The following ZFHX3 variants were observed in gnomAD, a reference collection of about 807,000 sequenced individuals.
The protein encoded by ZFHX3 is zinc finger homeobox 3, also known as zinc finger homeobox protein 3.
ZFHX3 carries 42 observed loss-of-function variants against 279.1 expected under a neutral mutation model. The ratio of observed to expected loss-of-function variants is 0.15; its 90% CI spans 0.12 to 0.19. ZFHX3 has a LOEUF of 0.19. Among genes scored for constraint, ZFHX3 ranks in the 10% least tolerant of loss-of-function variants. The pLI is 1.00. For missense variants in ZFHX3, 4,981 were observed against 4,754.0 expected (o/e 1.05, Z -1.40); for synonymous variants, 2,293 against 1,957.8 (o/e 1.17, Z -4.52).
intron 2 of ZFHX3, among the ~76,000 whole-genome samples, chr16:73,660,639 C>T (rs1439289586): frequency 6.6e-6 from 1 of 151,974 alleles, no homozygotes; most frequent in Non-Finnish European, 1.5e-5. Context: ...ATACTACATC[C>T]TCTTGAAATC....
chr16:73,624,849 T>G (rs937672455), intron 2 of ZFHX3, among the ~76,000 whole-genome samples: 4 of 152,276 alleles, frequency 2.6e-5, no homozygotes, highest in South Asian at 2.1e-4. Flanking sequence ...TGCTTCATGC[T>G]CAAAGATGCT....
chr16:73,227,550 C>A (rs1029787159), intron 5 of ZFHX3, among the ~76,000 whole-genome samples: 3 of 151,880 alleles, frequency 2.0e-5, no homozygotes, highest in African/African-American at 7.3e-5. Flanking sequence ...GCTTATAAGG[C>A]AAAAACATCC....
chr16:73,606,617 G>T (rs2052186271), intron 2 of ZFHX3, among the ~76,000 whole-genome samples: 1 of 152,066 alleles, frequency 6.6e-6, no homozygotes, highest in Non-Finnish European at 1.5e-5. Flanking sequence ...ACATATGCAG[G>T]ATGTGCAGGT....
intron 4 of ZFHX3, among the ~76,000 whole-genome samples, chr16:72,888,147 TG>T (rs2038677551): frequency 6.6e-6 from 1 of 151,972 alleles, no homozygotes; most frequent in Non-Finnish European, 1.5e-5. Context: ...GAAAAGGGGG[TG>T]GGAGAGGGCC....
chr16:73,465,450 C>T (rs1215812539), intron 2 of ZFHX3, among the ~76,000 whole-genome samples: 2 of 152,254 alleles, frequency 1.3e-5, no homozygotes, highest in Non-Finnish European at 1.5e-5. Flanking sequence ...TCGAAAGCTG[C>T]CTCGCCCGTC....
At chr16:73,678,282 G>C (rs1412380763) in intron 2 of ZFHX3, among the ~76,000 whole-genome samples, 1 of 152,116 alleles carries the variant, frequency 6.6e-6, no homozygotes, top group East Asian at 1.9e-4. Context: ...AGACCATTGG[G>C]AGATGTTCAA....
At chr16:73,060,603 C>G (rs1597143382), upstream of ZFHX3, 1 of 146,174 alleles carries the variant, frequency 6.8e-6, no homozygotes, top group East Asian at 2.0e-4. Flanking sequence ...TTAAAAATGA[C>G]AAGTTGTATT....
intron 6 of ZFHX3, among the ~76,000 whole-genome samples, chr16:73,142,108 C>A (rs1966849127): frequency 6.6e-6 from 1 of 152,212 alleles, no homozygotes; most frequent in African/African-American, 2.4e-5. Flanking sequence ...TGGTCCCTCC[C>A]TTTGTTTCTT....
At chr16:73,517,233 A>G (rs2019538600) in intron 2 of ZFHX3, among the ~76,000 whole-genome samples, 1 of 152,070 alleles carries the variant, frequency 6.6e-6, no homozygotes, top group African/African-American at 2.4e-5. Context: ...CTAAATTCCA[A>G]AGCAATCTAG....
intron 4 of ZFHX3, among the ~76,000 whole-genome samples, chr16:72,857,356 G>A (rs937285152): frequency 6.6e-6 from 1 of 152,154 alleles, no homozygotes; most frequent in Non-Finnish European, 1.5e-5. Context: ...ACAAGGACAG[G>A]AAGTTCCTCC....
At chr16:73,427,743 G>A (rs370359064) in intron 3 of ZFHX3, among the ~76,000 whole-genome samples, 7 of 151,982 alleles carry the variant, frequency 4.6e-5, no homozygotes, top group African/African-American at 7.2e-5. Flanking sequence ...AGACCAGCCC[G>A]GCCAATATGG....
At chr16:73,010,683 G>A (rs1201614966) in intron 1 of ZFHX3, among the ~76,000 whole-genome samples, 1 of 152,174 alleles carries the variant, frequency 6.6e-6, no homozygotes, top group Non-Finnish European at 1.5e-5. Context: ...TCTGCCTGAT[G>A]TGCTGTGTCT....
chr16:72,846,841 C>T (rs566902582), intron 4 of ZFHX3, among the ~76,000 whole-genome samples: 1 of 152,190 alleles, frequency 6.6e-6, no homozygotes, highest in African/African-American at 2.4e-5. Context: ...GCTGGCCTCA[C>T]GGTGAAGAAA....
chr16:73,285,895 C>T (rs1378208663), intron 4 of ZFHX3, among the ~76,000 whole-genome samples: 1 of 152,198 alleles, frequency 6.6e-6, no homozygotes, highest in Non-Finnish European at 1.5e-5. Flanking sequence ...CCAGAAGCCT[C>T]TCTGGCTGAC....
At chr16:73,112,109 G>A (rs994078916) in intron 7 of ZFHX3, among the ~76,000 whole-genome samples, 7 of 152,120 alleles carry the variant, frequency 4.6e-5, no homozygotes, top group East Asian at 3.9e-4. Flanking sequence ...GAGATGCCCC[G>A]GGCATGTTGG....
intron 1 of ZFHX3, among the ~76,000 whole-genome samples, chr16:73,771,264 C>G (rs1207912941): frequency 6.6e-6 from 1 of 152,134 alleles, no homozygotes; most frequent in Non-Finnish European, 1.5e-5. Flanking sequence ...CAGGATGAAT[C>G]CTGGAAGTTT....
At chr16:73,112,715 C>CAA (rs56149570) in intron 7 of ZFHX3, among the ~76,000 whole-genome samples, 4,928 of 30,156 alleles carry the variant, frequency 0.16, 1,273 homozygotes, top group Non-Finnish European at 0.19. Flanking sequence ...GACTCCATCT[C>CAA]AAAAAAAAAA....
At chr16:73,361,905 G>T (rs1398491728) in intron 3 of ZFHX3, among the ~76,000 whole-genome samples, 1 of 152,080 alleles carries the variant, frequency 6.6e-6, no homozygotes, top group Non-Finnish European at 1.5e-5. Context: ...CTTCAACACT[G>T]ACATGGTCTG....
chr16:73,854,123 T>C (rs1961658204), intron 1 of ZFHX3, among the ~76,000 whole-genome samples: 1 of 152,232 alleles, frequency 6.6e-6, no homozygotes, highest in Non-Finnish European at 1.5e-5. Flanking sequence ...TTTATCTCCA[T>C]TGACAAACCA....
Sources: gnomAD v4.1 joint callset for allele counts (sites outside exome capture counted in the v4.1 genomes callset) on GRCh38, gnomAD v4.1.1 for gene constraint, MANE v1.5 for transcripts, NCBI Gene and HGNC (gene_info 2026-07-23, HGNC 2026-07-21) for gene names.